Variants in TMEM230 observed in about 807,000 individuals in gnomAD.
TMEM230 encodes UPF0414 transmembrane protein C20orf30.
TMEM230 carries 10 observed loss-of-function variants against 15.8 expected under a neutral mutation model. The observed-to-expected ratio is 0.63, with a 90% CI of 0.39 to 1.07. TMEM230 has a LOEUF of 1.07. Ranked by LOEUF, TMEM230 falls within the 50% of genes least tolerant of loss-of-function variation. The pLI is 0.01. For missense variants in TMEM230, 165 were observed against 193.3 expected (o/e 0.85, Z 0.87); for synonymous variants, 67 against 76.9 (o/e 0.87, Z 0.68).
chr20:5,093,503 C>T (rs143202439), intron 3 of TMEM230, among the ~76,000 whole-genome samples: 534 of 151,150 alleles, frequency 3.5e-3, no homozygotes, highest in African/African-American at 0.012. Flanking sequence ...AGCCTCCCAA[C>T]GTGCTGGGGT....
At chr20:5,092,472 C>CTT (rs2089538560) in intron 3 of TMEM230, among the ~76,000 whole-genome samples, 1 of 152,096 alleles carries the variant, frequency 6.6e-6, no homozygotes, top group Admixed American at 6.6e-5. Context: ...AATCCCTGCA[C>CTT]TTTGGGAGGC....
chr20:5,068,718 G>C (rs969371902), exon 4 of TMEM230: 1 of 153,016 alleles, frequency 6.5e-6, no homozygotes, highest in Admixed American at 6.5e-5. Context: ...GTTAGGCCAA[G>C]ATTATCCAGC....
At chr20:5,096,817 G>A (rs113638413), downstream of TMEM230, among the ~76,000 whole-genome samples, 43 of 152,328 alleles carry the variant, frequency 2.8e-4, 1 homozygote, top group Admixed American at 7.2e-4. Context: ...AAATGCACAC[G>A]ATTCCAGCTC....
intron 3 of TMEM230, among the ~76,000 whole-genome samples, chr20:5,091,251 G>A (rs915008293): frequency 2.6e-5 from 4 of 151,966 alleles, no homozygotes; most frequent in South Asian, 2.1e-4. Flanking sequence ...ATGGAGCTTC[G>A]CCCTTGTTGC....
chr20:5,112,910 C>T (rs2090385460), intron 1 of TMEM230, 51 bp downstream of exon 1: 1 of 1,549,010 alleles, frequency 6.5e-7, no homozygotes, highest in East Asian at 2.4e-5. Flanking sequence ...CGGACACGCC[C>T]AGAGCCCGAG....
the TMEM230 span, among the ~76,000 whole-genome samples, chr20:5,060,818 A>G: frequency 1.3e-5 from 2 of 152,174 alleles, no homozygotes; most frequent in Non-Finnish European, 2.9e-5. Flanking sequence ...TATTACATGC[A>G]GTACTTCTAT....
intron 3 of TMEM230, among the ~76,000 whole-genome samples, chr20:5,088,143 T>C (rs1286880330): frequency 6.6e-6 from 1 of 150,478 alleles, no homozygotes; most frequent in South Asian, 2.1e-4. Flanking sequence ...ACCCCATCTC[T>C]ACTAAAAATA....
intron 2 of TMEM230, among the ~76,000 whole-genome samples, chr20:5,109,785 C>T (rs1207382668): frequency 6.6e-6 from 1 of 152,170 alleles, no homozygotes; most frequent in Non-Finnish European, 1.5e-5. Flanking sequence ...TTTCCAAAGT[C>T]ACATAGAGAC....
chr20:5,073,273 G>C (rs916753220), intron 3 of TMEM230, among the ~76,000 whole-genome samples: 1 of 152,226 alleles, frequency 6.6e-6, no homozygotes, highest in African/African-American at 2.4e-5. Flanking sequence ...GAACGTCACA[G>C]GTGTGGGAAA....
chr20:5,081,750 T>A (rs1004056130), intron 3 of TMEM230, among the ~76,000 whole-genome samples: 2 of 152,104 alleles, frequency 1.3e-5, no homozygotes, highest in Non-Finnish European at 1.5e-5. Context: ...GCCTTGACAC[T>A]AAATGACAGC....
At chr20:5,066,167 C>T (rs185713602), downstream of TMEM230, 2 of 152,404 alleles carry the variant, frequency 1.3e-5, no homozygotes, top group Non-Finnish European at 2.9e-5. Flanking sequence ...TGGCACGCCT[C>T]CTTCCAGACC....
chr20:5,092,492 CG>C (rs1386805546), intron 3 of TMEM230, among the ~76,000 whole-genome samples: 1 of 152,042 alleles, frequency 6.6e-6, no homozygotes, highest in Non-Finnish European at 1.5e-5. Flanking sequence ...CCGACGCAGG[CG>C]GATCACCTGA....
chr20:5,103,175 T>G (rs556577227), intron 4 of TMEM230, among the ~76,000 whole-genome samples: 1 of 152,192 alleles, frequency 6.6e-6, no homozygotes, highest in East Asian at 1.9e-4. Context: ...ACGGGAAACA[T>G]AGTCAGAGGG....
intron 3 of TMEM230, among the ~76,000 whole-genome samples, chr20:5,083,565 C>T (rs2089245636): frequency 6.6e-6 from 1 of 152,004 alleles, no homozygotes; most frequent in Non-Finnish European, 1.5e-5. Flanking sequence ...TGACTTTGCC[C>T]ATTTGTTTTA....
At chr20:5,086,510 G>A (rs1241279159) in intron 3 of TMEM230, among the ~76,000 whole-genome samples, 2 of 133,234 alleles carry the variant, frequency 1.5e-5, no homozygotes, top group Non-Finnish European at 3.1e-5. Context: ...CTGCACTCCA[G>A]CCTGGGCAAC....
chr20:5,069,119 G>C, exon 4 of TMEM230: 1 of 1,261,154 alleles, frequency 7.9e-7, no homozygotes, highest in Non-Finnish European at 1.1e-6. Context: ...TCATGCTGAC[G>C]TACTTATTCC....
chr20:5,068,498 A>G (rs2088719012), exon 4 of TMEM230: 1 of 152,612 alleles, frequency 6.6e-6, no homozygotes, highest in African/African-American at 2.4e-5. Context: ...GCGCACCAGG[A>G]CAGAGTGAGT....
At chr20:5,077,095 C>T (rs182040468) in intron 3 of TMEM230, among the ~76,000 whole-genome samples, 99 of 152,104 alleles carry the variant, frequency 6.5e-4, no homozygotes, top group African/African-American at 2.2e-3. Context: ...TGCTTGAGCC[C>T]AGGAGTTCGA....
At chr20:5,062,371 A>AT in the TMEM230 span, among the ~76,000 whole-genome samples, 1 of 124,542 alleles carries the variant, frequency 8.0e-6, no homozygotes, top group African/African-American at 3.6e-5. Context: ...CTCTGTCTCA[A>AT]TTAAAAAAAA....
Sources: allele counts gnomAD v4.1 joint callset (sites outside exome capture counted in the v4.1 genomes callset), GRCh38; gene constraint gnomAD v4.1.1; transcripts MANE v1.5; gene names NCBI Gene and HGNC (gene_info 2026-07-23, HGNC 2026-07-21).